FSTL5: variants seen among roughly 807,000 people sequenced by gnomAD.
FSTL5 encodes follistatin-related protein 5.
FSTL5 carries 62 observed loss-of-function variants against 89.1 expected under a neutral mutation model. The observed-to-expected ratio is 0.70, with a 90% CI of 0.57 to 0.86. The LOEUF (loss-of-function observed/expected upper bound fraction) is 0.86. Among genes scored for constraint, FSTL5 ranks in the 40% least tolerant of loss-of-function variants. FSTL5 has a pLI of 0.00. For synonymous variants in FSTL5, 383 were observed against 346.2 expected, an observed-to-expected ratio of 1.11 and a Z score of -1.18; for missense variants, 1,057 against 1,001.6, an observed-to-expected ratio of 1.06 and a Z score of -0.75.
At chr4:161,488,930 CA>C (rs2126466107) in intron 12 of FSTL5, among the ~76,000 whole-genome samples, 1 of 152,166 alleles carries the variant, frequency 6.6e-6, no homozygotes, top group South Asian at 2.1e-4. Flanking sequence ...TGGCGTTTGG[CA>C]GTCCCGTGAC....
intron 7 of FSTL5, among the ~76,000 whole-genome samples, chr4:161,650,350 C>T: frequency 6.6e-6 from 1 of 152,016 alleles, no homozygotes; most frequent in East Asian, 1.9e-4. Context: ...CCAAATATAG[C>T]ATTAGAAAAA....
intron 4 of FSTL5, among the ~76,000 whole-genome samples, chr4:161,826,144 T>C (rs1579120133): frequency 6.6e-6 from 1 of 152,314 alleles, no homozygotes; most frequent in Non-Finnish European, 1.5e-5. Flanking sequence ...GACACAACTA[T>C]AATTCAGGAG....
At chr4:161,947,737 T>C (rs1297777685) in intron 3 of FSTL5, among the ~76,000 whole-genome samples, 1 of 152,138 alleles carries the variant, frequency 6.6e-6, no homozygotes, top group Non-Finnish European at 1.5e-5. Flanking sequence ...TTTTTTAGAA[T>C]CATATTGAAA....
At chr4:161,511,838 T>G (rs1730663634) in intron 10 of FSTL5, among the ~76,000 whole-genome samples, 1 of 152,004 alleles carries the variant, frequency 6.6e-6, no homozygotes, top group Admixed American at 6.6e-5. Flanking sequence ...TGATCAGCTA[T>G]GAGAAGAAGA....
chr4:161,385,683 T>C lies in FSTL5; in HGVS notation c.*64A>G. 1 of 1,202,642 alleles carries C rather than the reference T, an allele frequency of 8.3e-7. No homozygotes were observed. Among genetic ancestry groups the C allele is most frequent in the Admixed American group, 2.4e-5 (1 of 41,790 alleles). The allele number at this position is 1,202,642 out of a possible 1,614,324, so 74.5% of individuals were successfully genotyped here. On this transcript the variant is annotated 3_prime_UTR_variant, in exon 16 of 16. Coordinates refer to ENST00000306100, the MANE Select transcript of FSTL5 (RefSeq NM_020116.5). ...AACTTGGAAAGTTAAGTTGTAAATT[T>C]AAACAATGGATTAAGTGCAATGTAT... is the stretch of plus-strand genomic sequence containing the variant.
At chr4:161,602,228 TGA>T (rs1734270799) in intron 7 of FSTL5, among the ~76,000 whole-genome samples, 1 of 55,378 alleles carries the variant, frequency 1.8e-5, no homozygotes, top group Non-Finnish European at 3.8e-5. Context: ...AGAGAGAGAG[TGA>T]GAGAGTGAGA....
At chr4:161,619,714 A>C (rs1735043350) in intron 7 of FSTL5, among the ~76,000 whole-genome samples, 1 of 152,110 alleles carries the variant, frequency 6.6e-6, no homozygotes, top group African/African-American at 2.4e-5. Context: ...GATGTGGAGA[A>C]ATAGGAACAC....
chr4:161,495,491 T>C (rs1276364200), intron 12 of FSTL5: 1 of 152,114 alleles, frequency 6.6e-6, no homozygotes, highest in Non-Finnish European at 1.5e-5. Flanking sequence ...CTAGGATAAA[T>C]ATAGAAATAA....
At chr4:161,557,239 A>T (rs922396662) in intron 8 of FSTL5, among the ~76,000 whole-genome samples, 1 of 151,402 alleles carries the variant, frequency 6.6e-6, no homozygotes, top group Admixed American at 6.6e-5. Flanking sequence ...TATAAATCAT[A>T]ATAAGCCTAA....
At chr4:161,647,687 G>A (rs1166116545) in intron 7 of FSTL5, among the ~76,000 whole-genome samples, 1 of 152,018 alleles carries the variant, frequency 6.6e-6, no homozygotes, top group Non-Finnish European at 1.5e-5. Flanking sequence ...TGATGGGAAG[G>A]GAAAAGCATG....
chr4:161,896,099 C>T (rs189414831), intron 4 of FSTL5, among the ~76,000 whole-genome samples: 118 of 152,202 alleles, frequency 7.8e-4, no homozygotes, highest in African/African-American at 2.7e-3. Flanking sequence ...GTTTAGCCTT[C>T]ATACTTTTGA....
intron 4 of FSTL5, among the ~76,000 whole-genome samples, chr4:161,802,354 A>G (rs373757448): frequency 6.2e-4 from 94 of 151,872 alleles, no homozygotes; most frequent in African/African-American, 2.0e-3. Context: ...GTGTGCCTGT[A>G]TATTTGTCTG....
chr4:161,705,550 C>CT (rs1255205288), intron 6 of FSTL5, among the ~76,000 whole-genome samples: 1 of 151,856 alleles, frequency 6.6e-6, no homozygotes. Context: ...AAGGAAATTT[C>CT]TTTTTTTCTT....
chr4:161,828,388 G>T (rs1484376684), intron 4 of FSTL5, among the ~76,000 whole-genome samples: 7 of 152,130 alleles, frequency 4.6e-5, no homozygotes, highest in Non-Finnish European at 7.4e-5. Context: ...GTGTGTTTCT[G>T]CAGTTCCTGG....
chr4:161,612,765 A>C (rs114075755), intron 7 of FSTL5, among the ~76,000 whole-genome samples: 2,363 of 152,292 alleles, frequency 0.016, 28 homozygotes, highest in Non-Finnish European at 0.024. Flanking sequence ...TGTAGAGAAC[A>C]GTATTGAAGT....
chr4:161,621,400 T>C (rs1045334378), intron 7 of FSTL5, among the ~76,000 whole-genome samples: 3 of 152,020 alleles, frequency 2.0e-5, no homozygotes, highest in Non-Finnish European at 2.9e-5. Context: ...TTTCAAAATA[T>C]TTAAGCAGCA....
At chr4:161,601,329 GAAA>G (rs35261391) in intron 7 of FSTL5, among the ~76,000 whole-genome samples, 16 of 107,538 alleles carry the variant, frequency 1.5e-4, no homozygotes, top group African/African-American at 4.7e-4. Context: ...TAAATAGTTG[GAAA>G]AAAAAAAAAA....
chr4:162,130,249 C>T (rs1561035611), intron 1 of FSTL5, among the ~76,000 whole-genome samples: 1 of 152,022 alleles, frequency 6.6e-6, no homozygotes, highest in South Asian at 2.1e-4. Context: ...TTCCTAAACC[C>T]GTAGGTTTAG....
At chr4:162,111,980 A>G (rs1731462043) in intron 1 of FSTL5, among the ~76,000 whole-genome samples, 1 of 152,186 alleles carries the variant, frequency 6.6e-6, no homozygotes, top group South Asian at 2.1e-4. Flanking sequence ...GGCATTTCCT[A>G]GAAAATTGCT....
Sources: allele counts gnomAD v4.1 joint callset (sites outside exome capture counted in the v4.1 genomes callset), GRCh38; gene constraint gnomAD v4.1.1; transcripts MANE v1.5; gene names NCBI Gene and HGNC (gene_info 2026-07-23, HGNC 2026-07-21).